KCNT2: variants seen among roughly 807,000 people sequenced by gnomAD.
KCNT2 encodes the protein potassium channel subfamily T member 2.
In KCNT2, 67 loss-of-function variants were observed where a neutral mutation model predicts 153.8. The ratio of observed to expected loss-of-function variants is 0.44; its 90% CI spans 0.36 to 0.53. KCNT2 has a LOEUF of 0.53. Among genes scored for constraint, KCNT2 ranks in the 20% least tolerant of loss-of-function variants. The probability of loss-of-function intolerance (pLI) is 0.00; values close to 1 mark genes in which losing one functional copy is unlikely to be tolerated. For missense variants in KCNT2, 975 were observed against 1,354.8 expected (o/e 0.72, Z 4.40); for synonymous variants, 500 against 458.8 (o/e 1.09, Z -1.15).
At chr1:196,372,858 C>A (rs776349709) in intron 14 of KCNT2, among the ~76,000 whole-genome samples, 14 of 151,806 alleles carry the variant, frequency 9.2e-5, no homozygotes, top group Non-Finnish European at 2.1e-4. Context: ...ATGTCCTAAT[C>A]CTAGGCCTAA....
At chr1:196,564,157 G>A (rs1289423608) in intron 1 of KCNT2, among the ~76,000 whole-genome samples, 2 of 151,580 alleles carry the variant, frequency 1.3e-5, no homozygotes, top group South Asian at 2.1e-4. Flanking sequence ...ACTAATAAAG[G>A]ACTTCAGTGG....
At chr1:196,265,430 G>A (rs1043076336) in intron 25 of KCNT2, among the ~76,000 whole-genome samples, 3 of 152,122 alleles carry the variant, frequency 2.0e-5, no homozygotes, top group African/African-American at 7.2e-5. Context: ...ATAGCTCCAT[G>A]TCATGTGTCT....
At chr1:196,432,310 A>C (rs1044062657) in intron 8 of KCNT2, among the ~76,000 whole-genome samples, 1 of 152,148 alleles carries the variant, frequency 6.6e-6, no homozygotes, top group Non-Finnish European at 1.5e-5. Context: ...GGGGTATGGC[A>C]GCACAGAGTC....
At chr1:196,509,963 C>T (rs531431013) in intron 1 of KCNT2, among the ~76,000 whole-genome samples, 1 of 152,024 alleles carries the variant, frequency 6.6e-6, no homozygotes, top group East Asian at 1.9e-4. Context: ...AAATGTTTAG[C>T]GCTAGTAGGA....
At chr1:196,456,565 C>T (rs1249758969) in intron 8 of KCNT2, among the ~76,000 whole-genome samples, 1 of 151,816 alleles carries the variant, frequency 6.6e-6, no homozygotes, top group Non-Finnish European at 1.5e-5. Flanking sequence ...TTAACAATTC[C>T]TAAGTTTTAA....
intron 13 of KCNT2, among the ~76,000 whole-genome samples, chr1:196,388,191 T>C (rs1386871285): frequency 1.3e-5 from 2 of 151,778 alleles, no homozygotes. Context: ...TCCAAGGTAA[T>C]TAACTTGGCA....
chr1:196,484,656 T>G (rs1320982109), intron 3 of KCNT2, among the ~76,000 whole-genome samples: 2 of 152,212 alleles, frequency 1.3e-5, no homozygotes, highest in African/African-American at 4.8e-5. Context: ...TTTCTGGTTT[T>G]GGGTTTTACA....
chr1:196,321,842 CATGTATT>C (rs1558143044), intron 19 of KCNT2, among the ~76,000 whole-genome samples: 1 of 151,946 alleles, frequency 6.6e-6, no homozygotes, highest in African/African-American at 2.4e-5. Context: ...TGTGCATTTA[CATGTATT>C]ATGCCAGCTG....
intron 1 of KCNT2, among the ~76,000 whole-genome samples, chr1:196,524,508 A>G (rs1653917078): frequency 6.6e-6 from 1 of 152,182 alleles, no homozygotes; most frequent in Non-Finnish European, 1.5e-5. Context: ...TTACATAATA[A>G]TTTTCCATAT....
At chr1:196,425,034 A>G (rs1048193560) in intron 11 of KCNT2, among the ~76,000 whole-genome samples, 4 of 152,054 alleles carry the variant, frequency 2.6e-5, no homozygotes, top group African/African-American at 9.7e-5. Context: ...AAGAGTATGC[A>G]GGACAACTCA....
intron 4 of KCNT2, among the ~76,000 whole-genome samples, chr1:196,479,651 T>C (rs1678843200): frequency 6.6e-6 from 1 of 152,126 alleles, no homozygotes; most frequent in African/African-American, 2.4e-5. Flanking sequence ...GCTCAAGCAA[T>C]CCACCCTACT....
At chr1:196,399,216 A>G (rs1287569819) in intron 12 of KCNT2, among the ~76,000 whole-genome samples, 5 of 151,690 alleles carry the variant, frequency 3.3e-5, no homozygotes, top group Non-Finnish European at 7.4e-5. Context: ...AAGTAAGAAA[A>G]GGAATCAAAA....
chr1:196,263,168 TATA>T (rs1174903973), intron 25 of KCNT2, among the ~76,000 whole-genome samples: 1 of 151,918 alleles, frequency 6.6e-6, no homozygotes, highest in Non-Finnish European at 1.5e-5. Flanking sequence ...TCCACCTATA[TATA>T]ATTCTTTTTT....
chr1:196,431,492 C>G (rs372878813), intron 8 of KCNT2, among the ~76,000 whole-genome samples: 4 of 151,908 alleles, frequency 2.6e-5, no homozygotes, highest in African/African-American at 9.7e-5. Context: ...GGGGAAATAC[C>G]GACGGTAACG....
rs1375372882 is a variant in KCNT2 at position 196,442,652 on chromosome 1, C to T, written c.639-12895G>A. Among the ~76,000 whole-genome samples the T allele has an allele frequency of 1.6e-4, 24 of 151,356 alleles. No homozygotes were observed. The Admixed American group carries it at 1.6e-3, about 10-fold the overall frequency. On this transcript the variant is annotated intron_variant, in intron 8 of 27. Transcript: ENST00000294725. ...TATTCGGTAGAGAAGGTTAAGCATT[C>T]TAGGTAGAAGGGAGGTTAGCATGAT...
At chr1:196,396,246 A>G (rs1054989374) in intron 13 of KCNT2, among the ~76,000 whole-genome samples, 1 of 151,636 alleles carries the variant, frequency 6.6e-6, no homozygotes, top group Non-Finnish European at 1.5e-5. Flanking sequence ...CAAAAGCAGA[A>G]CCAGTATGAC....
At chr1:196,316,308 G>T (rs1200526970) in intron 20 of KCNT2, among the ~76,000 whole-genome samples, 1 of 151,472 alleles carries the variant, frequency 6.6e-6, no homozygotes, top group Non-Finnish European at 1.5e-5. Flanking sequence ...TTATATACAT[G>T]AAATATGGAA....
intron 8 of KCNT2, among the ~76,000 whole-genome samples, chr1:196,461,446 C>A (rs1677147693): frequency 6.6e-6 from 1 of 150,644 alleles, no homozygotes; most frequent in African/African-American, 2.4e-5. Flanking sequence ...TGTTAGAAAC[C>A]CATGAAATAA....
chr1:196,238,063 C>G (rs770569637), intron 26 of KCNT2, among the ~76,000 whole-genome samples: 1 of 151,782 alleles, frequency 6.6e-6, no homozygotes. Context: ...AAATCTACAT[C>G]TTATTTGACT....
Sources: allele counts gnomAD v4.1 joint callset (sites outside exome capture counted in the v4.1 genomes callset), GRCh38; gene constraint gnomAD v4.1.1; transcripts MANE v1.5; gene names NCBI Gene and HGNC (gene_info 2026-07-23, HGNC 2026-07-21).